The following DTNB variants were observed in gnomAD, a reference collection of about 807,000 sequenced individuals.
DTNB encodes dystrobrevin beta, also known as DTN-B.
In DTNB, 63 loss-of-function variants were observed where a neutral mutation model predicts 90.7. That is an observed-to-expected ratio of 0.69 (90% CI 0.57 to 0.86). The LOEUF is 0.86. Among genes scored for constraint, DTNB ranks in the 40% least tolerant of loss-of-function variants. The pLI is 0.00. For missense variants in DTNB, 744 were observed against 807.1 expected (o/e 0.92, Z 0.95); for synonymous variants, 277 against 286.7 (o/e 0.97, Z 0.34).
chr2:25,515,954 C>G (rs1185981187), intron 9 of DTNB, among the ~76,000 whole-genome samples: 1 of 152,042 alleles, frequency 6.6e-6, no homozygotes, highest in Non-Finnish European at 1.5e-5. Flanking sequence ...TATGAAACTT[C>G]TGTAAATCTA....
chr2:25,654,278 T>C (rs1210171515), intron 1 of DTNB, among the ~76,000 whole-genome samples: 1 of 152,184 alleles, frequency 6.6e-6, no homozygotes, highest in Non-Finnish European at 1.5e-5. Flanking sequence ...CCTTTAGAGA[T>C]TGGCCTGGTT....
At chr2:25,600,642 A>G (rs2065672738) in intron 5 of DTNB, among the ~76,000 whole-genome samples, 1 of 152,216 alleles carries the variant, frequency 6.6e-6, no homozygotes, top group Non-Finnish European at 1.5e-5. Context: ...TGTGGCCACT[A>G]GTGGTGGAAA....
intron 3 of DTNB, among the ~76,000 whole-genome samples, chr2:25,635,238 G>C (rs2076893521): frequency 6.6e-6 from 1 of 151,962 alleles, no homozygotes; most frequent in Non-Finnish European, 1.5e-5. Context: ...TTCGAGACCA[G>C]CCTGGACAAC....
chr2:25,496,219 G>A (rs59601945), intron 9 of DTNB, among the ~76,000 whole-genome samples: 1 of 152,108 alleles, frequency 6.6e-6, no homozygotes, highest in African/African-American at 2.4e-5. Flanking sequence ...TTATAAACCG[G>A]ATCATCAAAT....
At chr2:25,446,702 T>C (rs969792499) in intron 12 of DTNB, among the ~76,000 whole-genome samples, 1 of 152,232 alleles carries the variant, frequency 6.6e-6, no homozygotes, top group African/African-American at 2.4e-5. Flanking sequence ...AGTTTCACTA[T>C]GATATGTCTA....
rs2061440085 is a variant in DTNB at position 25,580,710 on chromosome 2, GT to G, written c.709+10del. On this transcript the variant is annotated intron_variant, in intron 7 of 20. Coordinates refer to ENST00000406818, the MANE Select transcript of DTNB (RefSeq NM_021907.5). Reference sequence around the variant, plus strand: ...TAGCATGCGGAATTGAACAATAAAAGTTCTGCTTACCATTCTCAACATGGGC... The same window carrying G: ...TAGCATGCGGAATTGAACAATAAAAGTCTGCTTACCATTCTCAACATGGGC... The G allele has an allele frequency of 6.2e-7, 1 of 1,610,370 alleles. No individual in the cohort carries two copies. Among genetic ancestry groups the G allele is most frequent in the African/African-American group, 1.3e-5 (1 of 74,834 alleles).
At chr2:25,412,337 G>C (rs550592763) in intron 16 of DTNB, among the ~76,000 whole-genome samples, 1 of 152,272 alleles carries the variant, frequency 6.6e-6, no homozygotes, top group South Asian at 2.1e-4. Flanking sequence ...AAGATCCCAC[G>C]TGATAGCCAA....
chr2:25,631,130 T>C (rs1422336477), intron 3 of DTNB, among the ~76,000 whole-genome samples: 1 of 152,144 alleles, frequency 6.6e-6, no homozygotes, highest in Non-Finnish European at 1.5e-5. Context: ...TAGATAATGA[T>C]GATGGTTGTA....
intron 4 of DTNB, among the ~76,000 whole-genome samples, 189 bp from the exon 5 acceptor site, chr2:25,607,510 G>A (rs888586224): frequency 6.6e-6 from 1 of 151,652 alleles, no homozygotes; most frequent in African/African-American, 2.4e-5. Context: ...GCTAGGTGAA[G>A]AATGCTAAAG....
intron 5 of DTNB, among the ~76,000 whole-genome samples, chr2:25,603,738 TAAC>T (rs1573260396): frequency 6.6e-6 from 1 of 150,934 alleles, no homozygotes; most frequent in Non-Finnish European, 1.5e-5. Context: ...TTAATAGAGG[TAAC>T]AACAGAGAGT....
chr2:25,633,290 A>AGCGCCTGCCATTGCAGGCGC (rs978883333), intron 3 of DTNB, among the ~76,000 whole-genome samples: 1 of 143,562 alleles, frequency 7.0e-6, no homozygotes, highest in African/African-American at 2.5e-5. Flanking sequence ...CAGCCTGCCC[A>AGCGCCTGCCATTGCAGGCGC]GCGCCTGCCA....
intron 9 of DTNB, among the ~76,000 whole-genome samples, chr2:25,500,039 G>T (rs1439270233): frequency 6.6e-6 from 1 of 152,018 alleles, no homozygotes; most frequent in African/African-American, 2.4e-5. Flanking sequence ...TGGATTACAG[G>T]TGCACCACCA....
At chr2:25,455,317 T>C (rs891374318) in intron 11 of DTNB, 88 bp downstream of exon 11, 4 of 1,300,616 alleles carry the variant, frequency 3.1e-6, no homozygotes, top group South Asian at 1.5e-5. Flanking sequence ...GACATGCAGT[T>C]TTTTTTCCAG....
In DTNB at chr2:25,435,858, T is replaced by C. The variant is rs569045049; in HGVS notation, c.1258-1863A>G. Among the ~76,000 whole-genome samples the C allele has an allele frequency of 6.2e-4, 94 of 152,376 alleles. 1 individual carries two copies. The South Asian group carries it at 8.1e-3, about 13-fold the overall frequency. ...CCAGCAATGTATCAAGGTTCTATTT[T>C]TTCCACATCATCCTAATGGGTGTGA... On this transcript the variant is annotated intron_variant, in intron 12 of 20. Transcript: ENST00000406818.
intron 10 of DTNB, among the ~76,000 whole-genome samples, chr2:25,456,913 G>C (rs945246963): frequency 6.6e-6 from 1 of 151,880 alleles, no homozygotes; most frequent in Admixed American, 6.6e-5. Context: ...TTGGCCAGTG[G>C]GAGCTCCTGT....
intron 14 of DTNB, among the ~76,000 whole-genome samples, chr2:25,431,796 TC>T (rs142154429): frequency 0.018 from 2,754 of 152,224 alleles, 69 homozygotes; most frequent in African/African-American, 0.063. Context: ...GCATTTGTGT[TC>T]CCATCCTCCC....
At chr2:25,635,850 G>C (rs2077007140) in intron 3 of DTNB, among the ~76,000 whole-genome samples, 1 of 152,194 alleles carries the variant, frequency 6.6e-6, no homozygotes, top group Non-Finnish European at 1.5e-5. Flanking sequence ...CTGACATCTA[G>C]ATTTACTAAA....
chr2:25,509,058 T>C (rs751371071), intron 9 of DTNB, among the ~76,000 whole-genome samples: 1 of 152,244 alleles, frequency 6.6e-6, no homozygotes, highest in Non-Finnish European at 1.5e-5. Flanking sequence ...TACTTTGCTT[T>C]GTAGATTCCT....
chr2:25,554,081 T>C (rs759517967), intron 8 of DTNB, among the ~76,000 whole-genome samples: 18 of 152,134 alleles, frequency 1.2e-4, no homozygotes, highest in Admixed American at 5.9e-4. Flanking sequence ...ATCCTTGAAA[T>C]ACGAATAACT....
Sources: allele counts gnomAD v4.1 joint callset (sites outside exome capture counted in the v4.1 genomes callset), GRCh38; gene constraint gnomAD v4.1.1; transcripts MANE v1.5; gene names NCBI Gene and HGNC (gene_info 2026-07-23, HGNC 2026-07-21).